TCF4: variants seen among roughly 807,000 people sequenced by gnomAD.
TCF4 encodes the protein transcription factor 4, also known as SL3-3 enhancer factor 2.
In TCF4, 3 loss-of-function variants were observed where a neutral mutation model predicts 82.1. The observed-to-expected ratio is 0.04, with a 90% CI of 0.02 to 0.09. The LOEUF is 0.09. Among genes scored for constraint, TCF4 ranks in the 10% least tolerant of loss-of-function variants. The pLI is 1.00. For synonymous variants in TCF4, 276 were observed against 309.6 expected (o/e 0.89, Z 1.14); for missense variants, 518 against 852.7 (o/e 0.61, Z 4.89).
chr18:55,361,404 C>A (rs966823620), intron 6 of TCF4, among the ~76,000 whole-genome samples: 1 of 152,238 alleles, frequency 6.6e-6, no homozygotes, highest in African/African-American at 2.4e-5. Flanking sequence ...TCATCTGTCT[C>A]TTCCCTTCCC....
At chr18:55,536,555 C>A (rs532245277) in intron 3 of TCF4, among the ~76,000 whole-genome samples, 14 of 152,238 alleles carry the variant, frequency 9.2e-5, no homozygotes, top group African/African-American at 3.1e-4. Context: ...TTCAGAAAAA[C>A]GTATCGGAAG....
At chr18:55,237,921 C>T (rs1188112684) in intron 15 of TCF4, among the ~76,000 whole-genome samples, 2 of 152,212 alleles carry the variant, frequency 1.3e-5, no homozygotes, top group Non-Finnish European at 2.9e-5. Flanking sequence ...GGCACAAATC[C>T]ATCGCTAGAA....
intron 11 of TCF4, among the ~76,000 whole-genome samples, chr18:55,264,024 TAAAC>T (rs1208660254): frequency 6.6e-6 from 1 of 152,020 alleles, no homozygotes; most frequent in Non-Finnish European, 1.5e-5. Context: ...TTTATGAAAC[TAAAC>T]AAAGTATTGA....
intron 18 of TCF4, 98 bp from the exon 19 acceptor site, chr18:55,228,459 G>A (rs549964325): frequency 1.3e-6 from 2 of 1,514,654 alleles, no homozygotes; most frequent in African/African-American, 2.7e-5. Context: ...TTTTCTCAGT[G>A]TTTATATTAC....
At chr18:55,591,912 TTGC>T (rs753967404), upstream of TCF4, among the ~76,000 whole-genome samples, 1 of 152,192 alleles carries the variant, frequency 6.6e-6, no homozygotes, top group African/African-American at 2.4e-5. Flanking sequence ...GCTAGTCTCG[TTGC>T]TTCTTCGTTT....
At chr18:55,426,514 A>G (rs1421466031) in intron 5 of TCF4, among the ~76,000 whole-genome samples, 1 of 152,126 alleles carries the variant, frequency 6.6e-6, no homozygotes, top group Non-Finnish European at 1.5e-5. Flanking sequence ...CTCCCTTTTA[A>G]AATTCCTGGT....
At chr18:55,401,974 A>C in intron 6 of TCF4, 1 of 950,834 alleles carries the variant, frequency 1.1e-6, no homozygotes, top group Non-Finnish European at 1.3e-6. Flanking sequence ...GGTCTTCTGC[A>C]GGAACTGAGA....
chr18:55,463,919 T>A (rs999914484), intron 4 of TCF4, among the ~76,000 whole-genome samples, 157 bp downstream of exon 4: 1 of 151,600 alleles, frequency 6.6e-6, no homozygotes, highest in Non-Finnish European at 1.5e-5. Flanking sequence ...TATGCGTGTG[T>A]GTTTGTGTGC....
intron 3 of TCF4, among the ~76,000 whole-genome samples, chr18:55,555,699 G>C (rs2097297615): frequency 6.6e-6 from 1 of 152,200 alleles, no homozygotes; most frequent in South Asian, 2.1e-4. Flanking sequence ...AGTTAAAACT[G>C]AGGTAGAGAA....
intron 8 of TCF4, among the ~76,000 whole-genome samples, chr18:55,280,568 C>T (rs968805182): frequency 6.6e-6 from 1 of 151,864 alleles, no homozygotes; most frequent in East Asian, 1.9e-4. Context: ...TTTTCTTTTG[C>T]TCTCAAAGTT....
intron 2 of TCF4, among the ~76,000 whole-genome samples, chr18:55,616,239 T>A (rs1371914225): frequency 6.6e-6 from 1 of 152,168 alleles, no homozygotes; most frequent in East Asian, 1.9e-4. Context: ...TTTGTCCTTC[T>A]GTGACTGGCT....
rs547850991 is a variant in TCF4 at position 55,234,542 on chromosome 18, A to G, written c.1486+6T>C. The G allele has an allele frequency of 7.5e-5, 121 of 1,614,138 alleles. No individual in the cohort carries two copies. The South Asian group carries it at 9.4e-4, about 13-fold the overall frequency. On this transcript the variant is annotated splice_donor_region_variant and intron_variant, in intron 16 of 19. Transcript: ENST00000354452. ...GGTCAGAAGTGCCCTGGTGAGGCCA[A>G]CCTACCTCTGTAAGGGTCCTGGGGT...
chr18:55,365,417 GC>G (rs2086754341), intron 6 of TCF4, among the ~76,000 whole-genome samples: 1 of 151,414 alleles, frequency 6.6e-6, no homozygotes, highest in African/African-American at 2.4e-5. Context: ...TGCCTGCATT[GC>G]TGTCGAGTGA....
intron 3 of TCF4, among the ~76,000 whole-genome samples, chr18:55,470,874 A>G (rs952596046): frequency 3.3e-5 from 5 of 152,170 alleles, no homozygotes; most frequent in African/African-American, 1.2e-4. Context: ...AAAGATAATC[A>G]TTCTGAAACA....
intron 9 of TCF4, 141 bp downstream of exon 9, chr18:55,279,410 G>T: frequency 7.8e-7 from 1 of 1,282,904 alleles, no homozygotes; most frequent in Non-Finnish European, 1.1e-6. Context: ...AATTTTTAAG[G>T]AATTCAATTC....
chr18:55,538,443 T>C (rs905669917), intron 3 of TCF4, among the ~76,000 whole-genome samples: 1 of 152,216 alleles, frequency 6.6e-6, no homozygotes, highest in Non-Finnish European at 1.5e-5. Context: ...TTTGAATATA[T>C]GTAAAACTTT....
Position 55,290,903 on chromosome 18 carries a change from CTAGA to C in TCF4, c.550-11251_550-11248del, listed in dbSNP as rs2064933414. ...TTTCACAAAATACATAGGTACTTCT[CTAGA>C]TATATTCTTTGATCTTGAACTTAAT... is the stretch of plus-strand genomic sequence containing the variant. On this transcript the variant is annotated intron_variant, in intron 8 of 19. Transcript: ENST00000354452. Among the ~76,000 whole-genome samples, 6 of 152,256 alleles carry C rather than the reference CTAGA, an allele frequency of 3.9e-5. No homozygotes were observed. In the South Asian group the frequency reaches 1.2e-3, roughly 32 times the overall value.
At chr18:55,538,306 A>C (rs2097136790) in intron 3 of TCF4, among the ~76,000 whole-genome samples, 1 of 152,190 alleles carries the variant, frequency 6.6e-6, no homozygotes, top group Non-Finnish European at 1.5e-5. Context: ...TAAAAGACAA[A>C]CTATATAAAA....
intron 8 of TCF4, among the ~76,000 whole-genome samples, chr18:55,287,851 T>C (rs2064052173): frequency 6.6e-6 from 1 of 152,212 alleles, no homozygotes; most frequent in Non-Finnish European, 1.5e-5. Flanking sequence ...ATGTTTTTCA[T>C]ATAGCTGGCT....
Sources: allele counts gnomAD v4.1 joint callset (sites outside exome capture counted in the v4.1 genomes callset), GRCh38; gene constraint gnomAD v4.1.1; transcripts MANE v1.5; gene names NCBI Gene and HGNC (gene_info 2026-07-23, HGNC 2026-07-21).